Variants in PIWIL2 observed in about 807,000 individuals in gnomAD.
PIWIL2 encodes the protein piwi like RNA-mediated gene silencing 2.
In PIWIL2, 81 loss-of-function variants were observed where a neutral mutation model predicts 116.5. The ratio of observed to expected loss-of-function variants is 0.70; its 90% CI spans 0.58 to 0.84. The LOEUF is 0.84. PIWIL2 is among the 40% of genes least tolerant of loss of function. The pLI is 0.00. For missense variants in PIWIL2, 1,272 were observed against 1,212.3 expected (o/e 1.05, Z -0.73); for synonymous variants, 489 against 429.5 (o/e 1.14, Z -1.71).
chr8:22,345,920 C>T (rs1274847575), intron 20 of PIWIL2, among the ~76,000 whole-genome samples: 4 of 152,034 alleles, frequency 2.6e-5, no homozygotes, highest in Admixed American at 1.3e-4. Flanking sequence ...TTCTAGGAGT[C>T]AAAGGAAGGA....
At chr8:22,280,573 C>T (rs1830476781) in intron 2 of PIWIL2, among the ~76,000 whole-genome samples, 1 of 152,158 alleles carries the variant, frequency 6.6e-6, no homozygotes, top group Admixed American at 6.5e-5. Flanking sequence ...AAATGAATTG[C>T]TTGAGTCTAT....
rs768235671 is a variant in PIWIL2 at position 22,279,529 on chromosome 8, G to A, written c.143G>A (p.Gly48Asp). The change falls in exon 2 of 23, where the codon GGC becomes GAC. Residue 48 changes from glycine to aspartate, a missense_variant. Physicochemically the swap from Gly to Asp is moderately conservative, Grantham distance 94. Coordinates refer to ENST00000356766, the MANE Select transcript of PIWIL2 (RefSeq NM_018068.5). ...ALGRGAPAGR[G>D]HVFGKPEEPS... Reference sequence around the variant, plus strand: ...GGCAGGGGAGCACCTGCAGGCAGAGGCCATGTATTTGGAAAGCCAGAGGAA... The same window carrying A: ...GGCAGGGGAGCACCTGCAGGCAGAGACCATGTATTTGGAAAGCCAGAGGAA... 2 of 1,614,060 alleles carry A rather than the reference G, an allele frequency of 1.2e-6. No individual in the cohort carries two copies. Among genetic ancestry groups the A allele is most frequent in the African/African-American group, 1.3e-5 (1 of 74,912 alleles).
chr8:22,335,973 CT>C (rs1395715164), intron 20 of PIWIL2, among the ~76,000 whole-genome samples: 1 of 152,056 alleles, frequency 6.6e-6, no homozygotes, highest in Non-Finnish European at 1.5e-5. Flanking sequence ...ATATGTGCAC[CT>C]AACAGTAGAG....
intron 10 of PIWIL2, among the ~76,000 whole-genome samples, chr8:22,290,635 G>A: frequency 3.9e-5 from 1 of 25,528 alleles, no homozygotes; most frequent in Admixed American, 4.2e-4. Flanking sequence ...TTTTTTTTTT[G>A]TAGAGATAGG....
Position 22,314,402 on chromosome 8 carries a change from C to A in PIWIL2, c.2064C>A (p.Cys688Ter). The A allele has an allele frequency of 6.3e-7, 1 of 1,585,978 alleles. No homozygotes were observed. Among genetic ancestry groups the A allele is most frequent in the Non-Finnish European group, 8.6e-7 (1 of 1,164,420 alleles). ...TCTATGGGGCCATCAAGAAGCTGTG[C>A]TGTGTGCAGTCCCCAGTGCCCTCCC... ...DDLYGAIKKL[C>*]CVQSPVPSQV... Residue 688 changes from cysteine to a stop codon, truncating the protein, a stop_gained, in exon 17 of 23, where the codon TGC (cysteine) becomes TGA (stop). Transcript: ENST00000356766. LOFTEE classifies it high-confidence loss of function.
intron 15 of PIWIL2, 47 bp from the exon 16 acceptor site, chr8:22,311,065 G>A: frequency 1.4e-6 from 2 of 1,452,242 alleles, no homozygotes; most frequent in Non-Finnish European, 1.9e-6. Flanking sequence ...TATGAGTTTG[G>A]GATATTTAAA....
intron 20 of PIWIL2, chr8:22,321,840 C>G: frequency 1.0e-6 from 1 of 984,052 alleles, no homozygotes; most frequent in Non-Finnish European, 1.2e-6. Context: ...TAATATCTTC[C>G]CCTAGGAATG....
chr8:22,315,712 T>C (rs1449620435), intron 18 of PIWIL2, among the ~76,000 whole-genome samples: 1 of 152,196 alleles, frequency 6.6e-6, no homozygotes, highest in Non-Finnish European at 1.5e-5. Flanking sequence ...TGTCTTTAAA[T>C]AAAATTTCAC....
intron 2 of PIWIL2, among the ~76,000 whole-genome samples, chr8:22,280,474 TATG>T (rs1386209874): frequency 6.6e-6 from 1 of 152,220 alleles, no homozygotes; most frequent in Non-Finnish European, 1.5e-5. Context: ...CTAATGAAGT[TATG>T]ATTATTTTAA....
chr8:22,326,881 T>C (rs747510714), intron 20 of PIWIL2, among the ~76,000 whole-genome samples: 11 of 152,196 alleles, frequency 7.2e-5, no homozygotes, highest in Non-Finnish European at 1.5e-4. Context: ...CAGGGTCATA[T>C]AGTAGTTCTG....
At chr8:22,325,481 C>CTTT (rs749493740) in intron 20 of PIWIL2, among the ~76,000 whole-genome samples, 1,466 of 94,998 alleles carry the variant, frequency 0.015, 56 homozygotes, top group East Asian at 0.036. Flanking sequence ...TTGATTTAGT[C>CTTT]TTTTTTTTTT....
Position 22,288,533 on chromosome 8 carries a change from A to G in PIWIL2, c.862-9A>G, listed in dbSNP as rs1830682765. On this transcript the variant is annotated splice_polypyrimidine_tract_variant and intron_variant, in intron 7 of 22. Coordinates refer to ENST00000356766, the MANE Select transcript of PIWIL2 (RefSeq NM_018068.5). ...CATTTTGTTTCACCTGTGTGTATTT[A>G]TTTGTTAGGTTCTTGAGTTAAAAAG... 6.8e-6 allele frequency: 11 copies of G among 1,609,388 alleles called. No individual in the cohort carries two copies. The highest frequency in any genetic ancestry group is 9.3e-6 in the Non-Finnish European group (11 of 1,176,734).
At chr8:22,308,669 T>C (rs1193794514) in intron 14 of PIWIL2, among the ~76,000 whole-genome samples, 1 of 152,070 alleles carries the variant, frequency 6.6e-6, no homozygotes. Context: ...AATTAACTAA[T>C]TTAAAAAAAT....
chr8:22,298,166 A>G (rs1830956824), intron 10 of PIWIL2, among the ~76,000 whole-genome samples: 1 of 152,040 alleles, frequency 6.6e-6, no homozygotes, highest in Non-Finnish European at 1.5e-5. Context: ...CCGAGGTGGG[A>G]GAATCATCTG....
chr8:22,291,603 A>T (rs1045243417), intron 10 of PIWIL2, among the ~76,000 whole-genome samples: 1 of 152,184 alleles, frequency 6.6e-6, no homozygotes, highest in African/African-American at 2.4e-5. Context: ...ATATAATATG[A>T]TAGTTAACTG....
At chr8:22,331,833 C>T (rs1831868893) in intron 20 of PIWIL2, among the ~76,000 whole-genome samples, 1 of 152,012 alleles carries the variant, frequency 6.6e-6, no homozygotes, top group Non-Finnish European at 1.5e-5. Flanking sequence ...GATTAGGGCC[C>T]ACCCCCATGA....
chr8:22,339,498 C>G (rs1002320374), intron 20 of PIWIL2, among the ~76,000 whole-genome samples: 2 of 145,676 alleles, frequency 1.4e-5, no homozygotes, highest in Admixed American at 1.3e-4. Context: ...CAGAGTGAGA[C>G]TCCATCTCAA....
rs377003229 is a variant in PIWIL2 at position 22,281,021 on chromosome 8, G to C, written c.199-99G>C. ...TCCCTTTATTCTTATAACATGTATA[G>C]AATTTGAAGATGATTTTATTATATA... On this transcript the variant is annotated intron_variant, in intron 2 of 22. Coordinates refer to ENST00000356766, the MANE Select transcript of PIWIL2 (RefSeq NM_018068.5). 3 of 686,496 alleles carry C rather than the reference G, an allele frequency of 4.4e-6. No homozygotes were observed. The African/African-American group carries it at 5.5e-5, about 13-fold the overall frequency. The allele number at this position is 686,496 out of a possible 1,614,324, so 42.5% of individuals were successfully genotyped here. A position where few individuals can be genotyped will look rare whatever the true frequency, so the allele number is the denominator to read the frequency against.
At chr8:22,288,148 A>G (rs1383541203) in intron 7 of PIWIL2, among the ~76,000 whole-genome samples, 3 of 152,132 alleles carry the variant, frequency 2.0e-5, no homozygotes, top group African/African-American at 7.2e-5. Context: ...AATAAAAAAA[A>G]TTAGCTGGGC....
Sources: gnomAD v4.1 joint callset for allele counts (sites outside exome capture counted in the v4.1 genomes callset) on GRCh38, gnomAD v4.1.1 for gene constraint, MANE v1.5 for transcripts, NCBI Gene and HGNC (gene_info 2026-07-23, HGNC 2026-07-21) for gene names.